Variants in NXPH1 observed in about 807,000 individuals in gnomAD.
NXPH1 encodes neurexophilin 1.
NXPH1 carries 5 observed loss-of-function variants against 23.7 expected under a neutral mutation model. The ratio of observed to expected loss-of-function variants is 0.21; its 90% CI spans 0.11 to 0.44. The LOEUF is 0.44. NXPH1 is among the 20% of genes least tolerant of loss of function. The pLI, the probability that NXPH1 is intolerant of heterozygous loss-of-function variation, is 0.99. For synonymous variants in NXPH1, 144 were observed against 122.2 expected (o/e 1.18, Z -1.18); for missense variants, 324 against 321.6 (o/e 1.01, Z -0.06).
At chr7:8,603,838 C>T (rs1460353030) in intron 2 of NXPH1, among the ~76,000 whole-genome samples, 3 of 151,896 alleles carry the variant, frequency 2.0e-5, no homozygotes, top group African/African-American at 7.3e-5. Flanking sequence ...AAAGTCATTC[C>T]AGGTATGTTT....
At chr7:8,739,610 C>G (rs1227099344) in intron 2 of NXPH1, among the ~76,000 whole-genome samples, 1 of 152,128 alleles carries the variant, frequency 6.6e-6, no homozygotes, top group Non-Finnish European at 1.5e-5. Flanking sequence ...TGCCAGTCAC[C>G]TATTTTCCTC....
At chr7:8,594,673 T>A (rs1819177755) in intron 2 of NXPH1, among the ~76,000 whole-genome samples, 1 of 151,946 alleles carries the variant, frequency 6.6e-6, no homozygotes, top group African/African-American at 2.4e-5. Context: ...CTGGCCTCGG[T>A]GGAACCTTCT....
intron 2 of NXPH1, among the ~76,000 whole-genome samples, chr7:8,677,933 A>G (rs1179354868): frequency 6.6e-6 from 1 of 151,950 alleles, no homozygotes; most frequent in East Asian, 1.9e-4. Flanking sequence ...ACATATATAT[A>G]AACATACATA....
chr7:8,511,996 G>A (rs548052741), intron 2 of NXPH1, among the ~76,000 whole-genome samples: 1 of 152,270 alleles, frequency 6.6e-6, no homozygotes, highest in Admixed American at 6.5e-5. Context: ...GCAGATGCTA[G>A]AGATGAGTCT....
At position 8,435,846 on chromosome 7, in the gene NXPH1, G is replaced by C; in HGVS notation, c.54+79G>C. ...GGAAACTGGGGACACGCGGGAGAAG[G>C]GTTACGCCGCCAGTTCAGTGAGAGC... On this transcript the variant is annotated intron_variant, in intron 2 of 2. Transcript: ENST00000405863. The surrounding 1 kb of genome is among the most constrained non-coding windows in gnomAD (Gnocchi z 5.9). The C allele has an allele frequency of 7.5e-6, 10 of 1,340,414 alleles. No individual in the cohort carries two copies. Among genetic ancestry groups the C allele is most frequent in the South Asian group, 2.3e-5 (2 of 85,452 alleles). 83.0% of individuals were successfully genotyped at this position (1,340,414 alleles called of 1,614,324 possible).
chr7:8,572,761 C>T (rs1818673891), intron 2 of NXPH1, among the ~76,000 whole-genome samples: 1 of 150,910 alleles, frequency 6.6e-6, no homozygotes, highest in Non-Finnish European at 1.5e-5. Context: ...AGTTTTTTTT[C>T]AATTAAATTC....
At chr7:8,580,028 A>T (rs1420611371) in intron 2 of NXPH1, among the ~76,000 whole-genome samples, 1 of 152,210 alleles carries the variant, frequency 6.6e-6, no homozygotes, top group Non-Finnish European at 1.5e-5. Context: ...GTGCCATTCC[A>T]CAACTACTTT....
At chr7:8,457,876 T>G (rs1242193643) in intron 2 of NXPH1, among the ~76,000 whole-genome samples, 1 of 152,178 alleles carries the variant, frequency 6.6e-6, no homozygotes, top group Admixed American at 6.5e-5. Context: ...TATAAAAAAT[T>G]AGCAACAATT....
chr7:8,725,675 T>C (rs1429334166), intron 2 of NXPH1, among the ~76,000 whole-genome samples: 5 of 152,184 alleles, frequency 3.3e-5, no homozygotes, highest in Non-Finnish European at 5.9e-5. Context: ...GTCTATTCTA[T>C]CTACTAGACT....
At chr7:8,706,577 G>GT (rs2115193153) in intron 2 of NXPH1, among the ~76,000 whole-genome samples, 1 of 152,320 alleles carries the variant, frequency 6.6e-6, no homozygotes, top group Non-Finnish European at 1.5e-5. Context: ...GAACAACCAT[G>GT]TGGAATAGAA....
At chr7:8,586,345 G>A (rs1818980988) in intron 2 of NXPH1, among the ~76,000 whole-genome samples, 1 of 152,078 alleles carries the variant, frequency 6.6e-6, no homozygotes, top group Non-Finnish European at 1.5e-5. Flanking sequence ...AGAGTAGGGA[G>A]TTTAGTATGG....
At chr7:8,598,610 GA>G (rs566798389) in intron 2 of NXPH1, among the ~76,000 whole-genome samples, 68 of 152,250 alleles carry the variant, frequency 4.5e-4, no homozygotes, top group Non-Finnish European at 8.2e-4. Flanking sequence ...GGGGGTAGGG[GA>G]AAAGAAACCT....
intron 2 of NXPH1, among the ~76,000 whole-genome samples, chr7:8,677,803 G>T (rs1003876701): frequency 2.1e-5 from 3 of 141,086 alleles, no homozygotes; most frequent in African/African-American, 8.0e-5. Context: ...CATTTTACAG[G>T]TTATAAATTG....
rs1197239253 is a variant in NXPH1, at chr7:8,438,548, T to C, written c.54+2781T>C. On this transcript the variant is annotated intron_variant, in intron 2 of 2. Transcript: ENST00000405863. ...TCTTAGCTGATATCTCAGTGCACCTTGACCTTTAAGCCCATGGTATCCTAG... is the reference window on the plus strand; with the variant it reads ...TCTTAGCTGATATCTCAGTGCACCTCGACCTTTAAGCCCATGGTATCCTAG... 2.0e-5 allele frequency among the ~76,000 whole-genome samples: 3 copies of C among 152,232 alleles called. No homozygotes were observed. The East Asian group carries it at 5.8e-4, about 29-fold the overall frequency.
chr7:8,454,598 CT>C (rs527971479), intron 2 of NXPH1, among the ~76,000 whole-genome samples: 1 of 152,102 alleles, frequency 6.6e-6, no homozygotes, highest in African/African-American at 2.4e-5. Flanking sequence ...ATTAGCCACT[CT>C]TTCTGGCCCC....
chr7:8,540,582 A>G (rs1156930547), intron 2 of NXPH1, among the ~76,000 whole-genome samples: 2 of 151,804 alleles, frequency 1.3e-5, no homozygotes, highest in Admixed American at 1.3e-4. Context: ...CAAGGCGGTT[A>G]GGATTCACAT....
intron 2 of NXPH1, among the ~76,000 whole-genome samples, chr7:8,646,352 C>A (rs1017439591): frequency 5.3e-5 from 8 of 152,188 alleles, no homozygotes; most frequent in Non-Finnish European, 8.8e-5. Context: ...CTTTTAAACT[C>A]TATTATTCTT....
At chr7:8,611,318 C>T (rs954032651) in intron 2 of NXPH1, among the ~76,000 whole-genome samples, 2 of 152,164 alleles carry the variant, frequency 1.3e-5, no homozygotes, top group Non-Finnish European at 2.9e-5. Flanking sequence ...TTTCAATTAC[C>T]TCTGTCTTCC....
chr7:8,743,135 G>C (rs566234114), intron 2 of NXPH1, among the ~76,000 whole-genome samples: 1 of 151,912 alleles, frequency 6.6e-6, no homozygotes, highest in African/African-American at 2.4e-5. Flanking sequence ...AGCAATGTTT[G>C]TTTGTTGGTT....
Sources: gnomAD v4.1 joint callset for allele counts (sites outside exome capture counted in the v4.1 genomes callset) on GRCh38, gnomAD v4.1.1 for gene constraint, Gnocchi (gnomAD v3.1) non-coding constraint, MANE v1.5 for transcripts, NCBI Gene and HGNC (gene_info 2026-07-23, HGNC 2026-07-21) for gene names.